The following TCEA1 variants were observed in gnomAD, a reference collection of about 807,000 sequenced individuals.
TCEA1 encodes transcription elongation factor A1.
Under a neutral mutation model 43.8 loss-of-function variants are expected in TCEA1, and 21 were observed. The ratio of observed to expected loss-of-function variants is 0.48; its 90% CI spans 0.34 to 0.69. TCEA1 has a LOEUF of 0.69. TCEA1 is among the 30% of genes least tolerant of loss of function. The pLI is 0.01. For missense variants in TCEA1, 250 were observed against 365.1 expected (o/e 0.68, Z 2.57); for synonymous variants, 104 against 117.5 (o/e 0.88, Z 0.75).
chr8:53,969,565 A>G (rs996149880), intron 9 of TCEA1, among the ~76,000 whole-genome samples: 2 of 152,046 alleles, frequency 1.3e-5, no homozygotes, highest in Non-Finnish European at 2.9e-5. Flanking sequence ...TTAGAACACC[A>G]ACAATTATCA....
At chr8:54,022,042 C>T (rs560984478) in intron 1 of TCEA1, 21 bp downstream of exon 1, 4 of 1,579,944 alleles carry the variant, frequency 2.5e-6, no homozygotes, top group African/African-American at 1.4e-5. Flanking sequence ...CCTCCCGGCC[C>T]GCGCCGCTCG....
chr8:53,987,289 T>C (rs11997954), intron 5 of TCEA1, among the ~76,000 whole-genome samples: 56,437 of 152,090 alleles, frequency 0.37, 14,994 homozygotes, highest in East Asian at 0.74. Flanking sequence ...GGCAATTCAT[T>C]TTTCGTAACT....
intron 8 of TCEA1, among the ~76,000 whole-genome samples, chr8:53,975,351 A>G (rs980541585): frequency 6.6e-6 from 1 of 152,140 alleles, no homozygotes; most frequent in Non-Finnish European, 1.5e-5. Context: ...TATTTTCCTA[A>G]TTTTTCTATA....
chr8:53,973,357 T>C (rs1803224431), intron 8 of TCEA1: 1 of 521,184 alleles, frequency 1.9e-6, no homozygotes, highest in Non-Finnish European at 3.6e-6. Flanking sequence ...TTGGGAACAA[T>C]TTTTAAAGAA....
At chr8:54,013,900 T>C (rs1289648672) in intron 1 of TCEA1, among the ~76,000 whole-genome samples, 1 of 152,046 alleles carries the variant, frequency 6.6e-6, no homozygotes, top group Non-Finnish European at 1.5e-5. Flanking sequence ...ATTTTACAGA[T>C]GAGGAAATAT....
chr8:53,983,578 G>C (rs1803585702), intron 7 of TCEA1, among the ~76,000 whole-genome samples: 1 of 152,038 alleles, frequency 6.6e-6, no homozygotes, highest in Admixed American at 6.6e-5. Flanking sequence ...TGAAGCAGGA[G>C]AATCGCTTGA....
chr8:53,987,038 A>G lies in TCEA1; in HGVS notation c.467-13T>C. The G allele has an allele frequency of 6.3e-7, 1 of 1,582,426 alleles. No individual in the cohort carries two copies. Among genetic ancestry groups the G allele is most frequent in the Non-Finnish European group, 8.6e-7 (1 of 1,165,824 alleles). On this transcript the variant is annotated splice_polypyrimidine_tract_variant and intron_variant, in intron 5 of 9. Transcript: ENST00000521604. Reference sequence around the variant, plus strand: ...GCAATGTAGTCATCTAAAAATAGGCATAAAGAATTGTCAAATTATTGTAAC... The same window carrying G: ...GCAATGTAGTCATCTAAAAATAGGCGTAAAGAATTGTCAAATTATTGTAAC...
At chr8:54,008,397 T>C (rs1419785495) in intron 2 of TCEA1, among the ~76,000 whole-genome samples, 1 of 151,944 alleles carries the variant, frequency 6.6e-6, no homozygotes, top group Non-Finnish European at 1.5e-5. Flanking sequence ...CTGCAGTGGC[T>C]CATGCCTGCA....
intron 2 of TCEA1, among the ~76,000 whole-genome samples, chr8:54,000,630 C>A (rs912660360): frequency 4.6e-5 from 7 of 152,122 alleles, no homozygotes; most frequent in African/African-American, 1.7e-4. Context: ...CTTAGAGCAT[C>A]CACATTCATC....
At chr8:54,003,978 A>G (rs1222632678) in intron 2 of TCEA1, among the ~76,000 whole-genome samples, 3 of 152,188 alleles carry the variant, frequency 2.0e-5, no homozygotes, top group Non-Finnish European at 4.4e-5. Context: ...CGGGCAAAGG[A>G]TCTGGATAGA....
intron 3 of TCEA1, among the ~76,000 whole-genome samples, chr8:53,995,934 C>T (rs527598333): frequency 6.6e-6 from 1 of 152,312 alleles, no homozygotes; most frequent in East Asian, 1.9e-4. Context: ...AATTTTACTG[C>T]TCCTTGTTAT....
intron 5 of TCEA1, among the ~76,000 whole-genome samples, chr8:53,987,770 G>A (rs577958622): frequency 5.7e-4 from 86 of 152,106 alleles, no homozygotes; most frequent in Non-Finnish European, 1.0e-3. Context: ...ATTCAGTATT[G>A]TTAACTCTCA....
intron 2 of TCEA1, among the ~76,000 whole-genome samples, chr8:54,004,693 T>C (rs1006375400): frequency 3.3e-5 from 5 of 151,938 alleles, no homozygotes; most frequent in Non-Finnish European, 7.4e-5. Context: ...ATTGTGGTGA[T>C]AGTACCAGAA....
chr8:53,980,778 G>C (rs1005230473), intron 7 of TCEA1, among the ~76,000 whole-genome samples: 7 of 152,292 alleles, frequency 4.6e-5, no homozygotes, highest in Admixed American at 3.9e-4. Context: ...GAGTCAACAT[G>C]TCTCACTTTA....
intron 1 of TCEA1, among the ~76,000 whole-genome samples, chr8:54,017,428 A>G (rs1804868363): frequency 6.6e-6 from 1 of 152,196 alleles, no homozygotes; most frequent in Admixed American, 6.5e-5. Context: ...ACGACGACAC[A>G]TTTCCACTTC....
intron 3 of TCEA1, among the ~76,000 whole-genome samples, chr8:53,999,116 T>C (rs897458118): frequency 6.7e-6 from 1 of 149,664 alleles, no homozygotes; most frequent in African/African-American, 2.5e-5. Flanking sequence ...TAGTCCCAGC[T>C]ACTCGGGAGG....
At chr8:53,977,828 G>T (rs1385547376) in intron 8 of TCEA1, among the ~76,000 whole-genome samples, 1 of 152,084 alleles carries the variant, frequency 6.6e-6, no homozygotes, top group Non-Finnish European at 1.5e-5. Context: ...ATTACAAAAA[G>T]GAACAAATTA....
At chr8:54,020,054 T>C (rs11986577) in intron 1 of TCEA1, among the ~76,000 whole-genome samples, 56,721 of 152,060 alleles carry the variant, frequency 0.37, 15,083 homozygotes, top group East Asian at 0.74. Flanking sequence ...TAAATATGAA[T>C]TTATCTTCTC....
chr8:53,991,932 T>C (rs553486714), intron 4 of TCEA1, among the ~76,000 whole-genome samples: 34 of 151,998 alleles, frequency 2.2e-4, no homozygotes, highest in East Asian at 9.6e-4. Flanking sequence ...TATGAGACAT[T>C]AACATTAACA....
Sources: gnomAD v4.1 joint callset for allele counts (sites outside exome capture counted in the v4.1 genomes callset) on GRCh38, gnomAD v4.1.1 for gene constraint, MANE v1.5 for transcripts, NCBI Gene and HGNC (gene_info 2026-07-23, HGNC 2026-07-21) for gene names.